The following CDH17 variants were observed in gnomAD, a reference collection of about 807,000 sequenced individuals.
The protein encoded by CDH17 is cadherin-17.
CDH17 carries 67 observed loss-of-function variants against 86.3 expected under a neutral mutation model. The ratio of observed to expected loss-of-function variants is 0.78; its 90% CI spans 0.64 to 0.95. CDH17 has a LOEUF of 0.95. Ranked by LOEUF, CDH17 falls within the 40% of genes least tolerant of loss-of-function variation. CDH17 has a pLI of 0.00. For missense variants in CDH17, 993 were observed against 1,017.6 expected, an observed-to-expected ratio of 0.98 and a Z score of 0.33; for synonymous variants, 367 against 366.4, an observed-to-expected ratio of 1.00 and a Z score of -0.02.
chr8:94,140,650 T>C (rs759909579), intron 15 of CDH17, among the ~76,000 whole-genome samples: 2 of 152,144 alleles, frequency 1.3e-5, no homozygotes, highest in Non-Finnish European at 2.9e-5. Context: ...GCTGGTTCTT[T>C]GAAAATATCA....
chr8:94,180,826 C>T (rs569605868), intron 3 of CDH17, among the ~76,000 whole-genome samples: 1 of 151,588 alleles, frequency 6.6e-6, no homozygotes, highest in African/African-American at 2.4e-5. Context: ...ACCCAGAAGG[C>T]GGAGCTTGCA....
chr8:94,162,421 TAAGTA>T (rs1813072918), intron 10 of CDH17, among the ~76,000 whole-genome samples: 1 of 152,194 alleles, frequency 6.6e-6, no homozygotes, highest in Non-Finnish European at 1.5e-5. Context: ...GCTGTCCTCC[TAAGTA>T]AAGTTAGGTA....
chr8:94,129,875 A>G (rs1387614174), intron 17 of CDH17, among the ~76,000 whole-genome samples: 1 of 152,234 alleles, frequency 6.6e-6, no homozygotes, highest in East Asian at 1.9e-4. Flanking sequence ...TAAAATGTTT[A>G]TGAATCACGT....
chr8:94,174,075 G>A, intron 6 of CDH17, 27 bp downstream of exon 6: 1 of 1,611,798 alleles, frequency 6.2e-7, no homozygotes, highest in Non-Finnish European at 8.5e-7. Context: ...GATCGAGACA[G>A]TCCTACCAGG....
At chr8:94,210,226 TAAAAAA>T (rs71567010), upstream of CDH17, among the ~76,000 whole-genome samples, 66 of 53,452 alleles carry the variant, frequency 1.2e-3, no homozygotes, top group African/African-American at 4.2e-3. Flanking sequence ...TTTATGCGAG[TAAAAAA>T]AAAAAAAAAA....
chr8:94,210,328 G>C (rs952773071), upstream of CDH17, among the ~76,000 whole-genome samples: 4 of 149,460 alleles, frequency 2.7e-5, no homozygotes, highest in Admixed American at 6.7e-5. Flanking sequence ...GGGTTCCTCT[G>C]TACATCACTT....
chr8:94,142,937 G>T (rs897839349), intron 15 of CDH17, among the ~76,000 whole-genome samples: 1 of 152,016 alleles, frequency 6.6e-6, no homozygotes. Flanking sequence ...CATCCATGAG[G>T]GTTGGAATCA....
At chr8:94,200,214 A>T (rs7817921) in intron 1 of CDH17, among the ~76,000 whole-genome samples, 11,352 of 152,108 alleles carry the variant, frequency 0.075, 1,399 homozygotes, top group African/African-American at 0.26. Context: ...ATACCATTCA[A>T]GTGTGGGGTA....
At chr8:94,197,616 A>G (rs1472915498) in intron 1 of CDH17, among the ~76,000 whole-genome samples, 1 of 152,012 alleles carries the variant, frequency 6.6e-6, no homozygotes, top group Non-Finnish European at 1.5e-5. Flanking sequence ...GCAGATCACA[A>G]GGTCAGCAGT....
chr8:94,194,558 C>A (rs551068745), intron 2 of CDH17, 77 bp downstream of exon 2: 2 of 977,290 alleles, frequency 2.0e-6, no homozygotes, highest in East Asian at 2.4e-5. Flanking sequence ...AATAGCCATT[C>A]TTTCCCTGGT....
intron 2 of CDH17, among the ~76,000 whole-genome samples, chr8:94,189,954 C>T (rs1272066119): frequency 6.6e-6 from 1 of 152,212 alleles, no homozygotes; most frequent in Admixed American, 6.5e-5. Context: ...AGTAGCCCCA[C>T]AATGGTTCCA....
chr8:94,211,701 T>C (rs905919209), upstream of CDH17, among the ~76,000 whole-genome samples: 27 of 152,260 alleles, frequency 1.8e-4, no homozygotes, highest in African/African-American at 6.5e-4. Flanking sequence ...TCTTTATGTG[T>C]TACATACTAC....
chr8:94,165,400 C>G (rs191457611), intron 10 of CDH17, among the ~76,000 whole-genome samples: 1 of 152,294 alleles, frequency 6.6e-6, no homozygotes, highest in East Asian at 1.9e-4. Context: ...TCTCCATCTC[C>G]CCTTCACCCA....
intron 3 of CDH17, among the ~76,000 whole-genome samples, chr8:94,185,453 T>C (rs1813561637): frequency 6.6e-6 from 1 of 152,204 alleles, no homozygotes. Context: ...GCATGACTTT[T>C]ACTGGCTAGG....
In CDH17 at chr8:94,203,398, G is replaced by A. The variant is rs560031169; in HGVS notation, c.-21+5085C>T. ...GTGTGGGCAGGAAGGGATGTGACTG[G>A]AATTCATAACACCACCAGGACCAAA... On this transcript the variant is annotated intron_variant, in intron 1 of 17. Coordinates refer to ENST00000027335, the MANE Select transcript of CDH17 (RefSeq NM_004063.4). Among the ~76,000 whole-genome samples the A allele has an allele frequency of 2.0e-5, 3 of 152,276 alleles. No homozygotes were observed. The South Asian group carries it at 6.2e-4, about 32-fold the overall frequency.
At chr8:94,131,389 G>C (rs1563562330) in intron 15 of CDH17, among the ~76,000 whole-genome samples, 1 of 152,122 alleles carries the variant, frequency 6.6e-6, no homozygotes. Flanking sequence ...CTTTTTGTGT[G>C]TTGCTGTTCA....
chr8:94,196,837 T>C (rs757737312), intron 1 of CDH17, among the ~76,000 whole-genome samples: 7 of 152,166 alleles, frequency 4.6e-5, no homozygotes, highest in Non-Finnish European at 1.0e-4. Context: ...CGGCTCCATC[T>C]TCCCTTTTCT....
chr8:94,155,215 C>G (rs1812923724), intron 12 of CDH17, among the ~76,000 whole-genome samples: 1 of 152,036 alleles, frequency 6.6e-6, no homozygotes, highest in South Asian at 2.1e-4. Flanking sequence ...TGGTCCAATA[C>G]ACGTCACGTG....
chr8:94,156,737 G>A lies in CDH17; in HGVS notation c.1551+3234C>T, dbSNP rs78691298. Among the ~76,000 whole-genome samples, 59 of 152,316 alleles carry A rather than the reference G, an allele frequency of 3.9e-4. 1 individual carries two copies. The East Asian group carries it at 0.01, about 26-fold the overall frequency. ...GCAACAGGGGAAAGCATACCTGTCC[G>A]CAGGTAGAATCCTAGCTCTAATTAA... On this transcript the variant is annotated intron_variant, in intron 12 of 17. Transcript: ENST00000027335.
Sources: gnomAD v4.1 joint callset for allele counts (sites outside exome capture counted in the v4.1 genomes callset) on GRCh38, gnomAD v4.1.1 for gene constraint, MANE v1.5 for transcripts, NCBI Gene and HGNC (gene_info 2026-07-23, HGNC 2026-07-21) for gene names.